Variants in ACP3 observed in about 807,000 individuals in gnomAD.
ACP3 encodes prostatic acid phosphatase.
Under a neutral mutation model 45.6 loss-of-function variants are expected in ACP3, and 38 were observed. The observed-to-expected ratio is 0.83, with a 90% CI of 0.64 to 1.09. The LOEUF (loss-of-function observed/expected upper bound fraction) is 1.09, where lower values mean the gene tolerates loss of function less well. ACP3 is among the 50% of genes least tolerant of loss of function. ACP3 has a pLI of 0.00. For missense variants in ACP3, 466 were observed against 463.2 expected, an observed-to-expected ratio of 1.01 and a Z score of -0.05; for synonymous variants, 162 against 164.7, an observed-to-expected ratio of 0.98 and a Z score of 0.13.
intron 10 of ACP3, among the ~76,000 whole-genome samples, chr3:132,363,997 T>C (rs1255453998): frequency 6.6e-6 from 1 of 152,028 alleles, no homozygotes; most frequent in African/African-American, 2.4e-5. Flanking sequence ...CACTTCCATA[T>C]GTAATAATTG....
intron 2 of ACP3, 41 bp from the exon 3 acceptor site, chr3:132,331,606 A>G: frequency 6.7e-7 from 1 of 1,488,412 alleles, no homozygotes; most frequent in South Asian, 1.2e-5. Flanking sequence ...GATTCATAGA[A>G]CTTACTTTCA....
chr3:132,334,353 A>T lies in ACP3; in HGVS notation c.456+2009A>T, dbSNP rs550323107. Among the ~76,000 whole-genome samples, 4 of 152,346 alleles carry T rather than the reference A, an allele frequency of 2.6e-5. No individual in the cohort carries two copies. In the South Asian group the frequency reaches 8.3e-4, roughly 32 times the overall value. ...TCAACTAAGAAATCTAATGAAACCA[A>T]TCAACACTAGCTTATTCCTAGCATT... On this transcript the variant is annotated intron_variant, in intron 4 of 9. Transcript: ENST00000336375.
intron 5 of ACP3, among the ~76,000 whole-genome samples, chr3:132,341,058 G>A (rs927992600): frequency 6.6e-6 from 1 of 151,990 alleles, no homozygotes; most frequent in South Asian, 2.1e-4. Context: ...CTTCATATAT[G>A]TCTTTACATT....
intron 1 of ACP3, among the ~76,000 whole-genome samples, chr3:132,319,629 CTTA>C (rs1401454066): frequency 2.6e-5 from 4 of 152,156 alleles, no homozygotes; most frequent in East Asian, 1.9e-4. Flanking sequence ...TTTTGTAAAA[CTTA>C]TTATTCCTAT....
At chr3:132,353,920 C>G (rs1011430835) in intron 9 of ACP3, among the ~76,000 whole-genome samples, 1 of 152,208 alleles carries the variant, frequency 6.6e-6, no homozygotes, top group Non-Finnish European at 1.5e-5. Context: ...GAGTTCTGCA[C>G]AGTTAGGGAC....
At chr3:132,356,623 A>C (rs1937904420) in intron 9 of ACP3, 63 bp from the exon 10 acceptor site, 1 of 1,606,390 alleles carries the variant, frequency 6.2e-7, no homozygotes, top group African/African-American at 1.3e-5. Flanking sequence ...AGTGGAAAGA[A>C]ATTCAGTGGC....
intron 1 of ACP3, among the ~76,000 whole-genome samples, chr3:132,320,263 C>G (rs911189510): frequency 2.0e-5 from 3 of 152,110 alleles, no homozygotes; most frequent in African/African-American, 7.2e-5. Flanking sequence ...GTAGAAAACA[C>G]TGAGAGAACT....
intron 2 of ACP3, among the ~76,000 whole-genome samples, chr3:132,330,214 C>A (rs1937376010): frequency 1.3e-5 from 2 of 152,126 alleles, no homozygotes; most frequent in Non-Finnish European, 2.9e-5. Context: ...GCCACCACAC[C>A]CAGCCTTGTC....
chr3:132,328,724 G>A (rs1186259001), intron 2 of ACP3, among the ~76,000 whole-genome samples: 1 of 150,938 alleles, frequency 6.6e-6, no homozygotes, highest in Non-Finnish European at 1.5e-5. Context: ...AGTCTCAAGG[G>A]GAAATGTATA....
At chr3:132,332,413 T>C in intron 4 of ACP3, 69 bp downstream of exon 4, 1 of 1,571,358 alleles carries the variant, frequency 6.4e-7, no homozygotes, top group Non-Finnish European at 8.7e-7. Flanking sequence ...TACTCAACAG[T>C]TGTGGATTTG....
downstream of ACP3, among the ~76,000 whole-genome samples, chr3:132,361,498 G>A (rs16839139): frequency 0.087 from 13,249 of 152,090 alleles, 1,282 homozygotes; most frequent in East Asian, 0.51. Context: ...CAGTCACATG[G>A]TTTTTTCATT....
chr3:132,348,978 C>T (rs180928020), intron 7 of ACP3, among the ~76,000 whole-genome samples: 5 of 151,866 alleles, frequency 3.3e-5, no homozygotes, highest in African/African-American at 1.2e-4. Flanking sequence ...CTGTTAATAT[C>T]AATGCCCTGC....
downstream of ACP3, among the ~76,000 whole-genome samples, chr3:132,361,169 C>T (rs1938034004): frequency 6.6e-6 from 1 of 152,164 alleles, no homozygotes; most frequent in Non-Finnish European, 1.5e-5. Context: ...CTATTAAAAG[C>T]CCTTGTTCAA....
At chr3:132,352,960 T>A in intron 9 of ACP3, 137 bp downstream of exon 9, 2 of 614,850 alleles carry the variant, frequency 3.3e-6, no homozygotes, top group Non-Finnish European at 5.7e-6. Context: ...GGTAACAAGA[T>A]CTTTGCTAGT....
At chr3:132,342,930 A>G (rs1305436512) in intron 6 of ACP3, among the ~76,000 whole-genome samples, 1 of 152,098 alleles carries the variant, frequency 6.6e-6, no homozygotes, top group African/African-American at 2.4e-5. Flanking sequence ...ATTCAGTAGG[A>G]GCTTATTTAT....
At chr3:132,346,475 C>T (rs1237042420) in intron 7 of ACP3, among the ~76,000 whole-genome samples, 3 of 152,166 alleles carry the variant, frequency 2.0e-5, no homozygotes, top group African/African-American at 4.8e-5. Flanking sequence ...CCTTACTTCA[C>T]ATTAAACACA....
Position 132,332,354 on chromosome 3 carries a change from C to T in ACP3, c.456+10C>T. 1 of 1,613,996 alleles carries T rather than the reference C, an allele frequency of 6.2e-7. No homozygotes were observed. Among genetic ancestry groups the T allele is most frequent in the Non-Finnish European group, 8.5e-7 (1 of 1,179,942 alleles). ...TCTTTCTGAAGATCAGGTCAGTATACTGGGAAAACCAGGAGATTTCAGATG... is the reference window on the plus strand; with the variant it reads ...TCTTTCTGAAGATCAGGTCAGTATATTGGGAAAACCAGGAGATTTCAGATG... On this transcript the variant is annotated intron_variant, in intron 4 of 9. Coordinates refer to ENST00000336375, the MANE Select transcript of ACP3 (RefSeq NM_001099.5).
rs935982248 is a variant in ACP3, at chr3:132,319,757, C to T, written c.120+2181C>T. Among the ~76,000 whole-genome samples, 13 of 152,288 alleles carry T rather than the reference C, an allele frequency of 8.5e-5. No homozygotes were observed. In the South Asian group the frequency reaches 2.7e-3, roughly 32 times the overall value. Reference sequence around the variant, plus strand: ...GGCTCTCTGACCCCGGATGCCTTTCCCTTTATCACTAGACATGGTCTTTTC... The same window carrying T: ...GGCTCTCTGACCCCGGATGCCTTTCTCTTTATCACTAGACATGGTCTTTTC... On this transcript the variant is annotated intron_variant, in intron 1 of 9. Transcript: ENST00000336375.
At chr3:132,352,219 G>A (rs1258777552) in intron 8 of ACP3, among the ~76,000 whole-genome samples, 1 of 151,606 alleles carries the variant, frequency 6.6e-6, no homozygotes, top group Non-Finnish European at 1.5e-5. Flanking sequence ...TTATTTTATC[G>A]AGATGGAGTC....
Sources: gnomAD v4.1 joint callset for allele counts (sites outside exome capture counted in the v4.1 genomes callset) on GRCh38, gnomAD v4.1.1 for gene constraint, MANE v1.5 for transcripts, NCBI Gene and HGNC (gene_info 2026-07-23, HGNC 2026-07-21) for gene names.